Variants in UACA observed in about 807,000 individuals in gnomAD.
UACA encodes nuclear membrane binding protein.
Under a neutral mutation model 160.5 loss-of-function variants are expected in UACA, and 112 were observed. The ratio of observed to expected loss-of-function variants is 0.70; its 90% CI spans 0.60 to 0.82. The LOEUF (loss-of-function observed/expected upper bound fraction) is 0.82. Ranked by LOEUF, UACA falls within the 40% of genes least tolerant of loss-of-function variation. UACA has a pLI of 0.00. For synonymous variants in UACA, 557 were observed against 568.4 expected (o/e 0.98, Z 0.29); for missense variants, 1,574 against 1,614.6 (o/e 0.97, Z 0.43).
At chr15:70,679,934 T>A (rs138972723) in intron 9 of UACA, 11 of 194,434 alleles carry the variant, frequency 5.7e-5, no homozygotes, top group African/African-American at 2.3e-4. Flanking sequence ...AGGATTTATT[T>A]TAACTAAAGT....
chr15:70,714,224 G>T (rs1694792212), intron 1 of UACA, among the ~76,000 whole-genome samples: 1 of 152,172 alleles, frequency 6.6e-6, no homozygotes, highest in African/African-American at 2.4e-5. Flanking sequence ...ATTGATGATG[G>T]CTAGAAATAT....
intron 1 of UACA, among the ~76,000 whole-genome samples, chr15:70,722,080 T>G (rs979468002): frequency 1.3e-5 from 2 of 152,230 alleles, no homozygotes; most frequent in Non-Finnish European, 2.9e-5. Context: ...GATGGCCTTT[T>G]CGATATGAAA....
At chr15:70,704,990 G>A (rs577747741) in intron 1 of UACA, among the ~76,000 whole-genome samples, 58 of 152,246 alleles carry the variant, frequency 3.8e-4, no homozygotes, top group African/African-American at 1.2e-3. Context: ...GGCGTTTGTC[G>A]TATTTGAATA....
chr15:70,695,969 T>C (rs556413317), intron 2 of UACA, among the ~76,000 whole-genome samples: 23 of 152,334 alleles, frequency 1.5e-4, no homozygotes, highest in Non-Finnish European at 2.8e-4. Flanking sequence ...TGAATATTAC[T>C]CTACAAATCC....
At chr15:70,743,728 T>C (rs1023988440) in intron 1 of UACA, among the ~76,000 whole-genome samples, 4 of 152,110 alleles carry the variant, frequency 2.6e-5, no homozygotes, top group Non-Finnish European at 5.9e-5. Context: ...CTAGTCCCAG[T>C]AAGAGGCTGA....
intron 8 of UACA, among the ~76,000 whole-genome samples, chr15:70,683,131 G>A (rs1426385134): frequency 6.6e-6 from 1 of 152,014 alleles, no homozygotes; most frequent in Non-Finnish European, 1.5e-5. Context: ...TGGGGCAGGA[G>A]GATCACTTGA....
At chr15:70,710,369 A>G (rs1221796732) in intron 1 of UACA, among the ~76,000 whole-genome samples, 3 of 152,196 alleles carry the variant, frequency 2.0e-5, no homozygotes, top group Admixed American at 6.5e-5. Context: ...ACTTTTCCCA[A>G]CTCTCACACT....
intron 1 of UACA, among the ~76,000 whole-genome samples, chr15:70,762,585 A>C (rs1386092106): frequency 6.6e-6 from 1 of 152,226 alleles, no homozygotes; most frequent in Non-Finnish European, 1.5e-5. Context: ...GCGCACACTG[A>C]GGCCGCGCTG....
chr15:70,707,588 G>T (rs1898557921), intron 1 of UACA, among the ~76,000 whole-genome samples: 1 of 151,622 alleles, frequency 6.6e-6, no homozygotes, highest in African/African-American at 2.4e-5. Flanking sequence ...CAACAACAAA[G>T]ATTTTAAAAT....
At chr15:70,708,267 G>A (rs1898577084) in intron 1 of UACA, among the ~76,000 whole-genome samples, 1 of 152,160 alleles carries the variant, frequency 6.6e-6, no homozygotes, top group South Asian at 2.1e-4. Flanking sequence ...CAGGGCTGTG[G>A]CAGGAGCAGA....
At chr15:70,722,141 T>G (rs897214676) in intron 1 of UACA, among the ~76,000 whole-genome samples, 1 of 152,204 alleles carries the variant, frequency 6.6e-6, no homozygotes, top group African/African-American at 2.4e-5. Flanking sequence ...GTGATGCAGT[T>G]TGGGCATTTT....
At chr15:70,695,207 AACAC>A in intron 2 of UACA, 102 bp from the exon 3 acceptor site, 1 of 691,722 alleles carries the variant, frequency 1.4e-6, no homozygotes, top group South Asian at 2.1e-5. Context: ...CACGCACACA[AACAC>A]ACACACATTT....
intron 1 of UACA, among the ~76,000 whole-genome samples, chr15:70,761,693 A>T (rs1224391143): frequency 6.6e-6 from 1 of 152,124 alleles, no homozygotes; most frequent in African/African-American, 2.4e-5. Context: ...GGTTAATATC[A>T]TGTTTATCTT....
At chr15:70,760,635 T>C (rs887775798) in intron 1 of UACA, among the ~76,000 whole-genome samples, 1 of 151,864 alleles carries the variant, frequency 6.6e-6, no homozygotes, top group African/African-American at 2.4e-5. Flanking sequence ...GGTGAAACCC[T>C]GTCTCTACTA....
In UACA at chr15:70,664,686, C is replaced by T. The variant is rs1435797405; in HGVS notation, c.4089G>A (p.Val1363=). 1.2e-6 allele frequency: 2 copies of T among 1,611,674 alleles called. No individual in the cohort carries two copies. The highest frequency in any genetic ancestry group is 1.7e-6 in the Non-Finnish European group (2 of 1,178,998). Residue 1363 remains valine, a synonymous_variant, in exon 17 of 19, where the codon GTG becomes GTA. Coordinates refer to ENST00000322954, the MANE Select transcript of UACA (RefSeq NM_018003.4). ...CGGCCAGCTGTTGCTCCAGAGATTT[C>T]ACTTGGTGCTGCAGAGTGTCAATCA... ...SQLIDTLQHQ[V]KSLEQQLADA...
At chr15:70,684,238 T>C in intron 8 of UACA, 27 bp downstream of exon 8, 1 of 1,568,674 alleles carries the variant, frequency 6.4e-7, no homozygotes, top group Non-Finnish European at 8.6e-7. Context: ...AATGTGGACT[T>C]TTCTAGTTAC....
chr15:70,771,605 C>A, the UACA span, among the ~76,000 whole-genome samples: 1 of 152,032 alleles, frequency 6.6e-6, no homozygotes, highest in African/African-American at 2.4e-5. Flanking sequence ...AATAAGTAAG[C>A]GACCAAGATC....
In UACA at chr15:70,666,933, T is replaced by G. The variant is rs1352946045; in HGVS notation, c.3751A>C (p.Asn1251His). The G allele has an allele frequency of 2.5e-6, 4 of 1,612,620 alleles. No homozygotes were observed. The highest frequency in any genetic ancestry group is 1.3e-5 in the African/African-American group (1 of 74,828). The change falls in exon 16 of 19, where the codon AAT becomes CAT. Residue 1251 changes from asparagine (N) to histidine (H), a missense_variant. Coordinates refer to ENST00000322954, the MANE Select transcript of UACA (RefSeq NM_018003.4). ...TCACATACTTCCTCATACTTTCTAT[T>G]CAGATTGGCCAATTTTTCATTTAAG... ...SSLNEKLANL[N>H]RKYEEVCEEV...
chr15:70,691,773 C>T (rs146177748), intron 3 of UACA, among the ~76,000 whole-genome samples: 14 of 152,126 alleles, frequency 9.2e-5, no homozygotes, highest in African/African-American at 3.4e-4. Context: ...GCAGTGTGGA[C>T]ACTGAAAATT....
Sources: gnomAD v4.1 joint callset for allele counts (sites outside exome capture counted in the v4.1 genomes callset) on GRCh38, gnomAD v4.1.1 for gene constraint, MANE v1.5 for transcripts, NCBI Gene and HGNC (gene_info 2026-07-23, HGNC 2026-07-21) for gene names.